MNAT1: variants seen among roughly 807,000 people sequenced by gnomAD.
The protein encoded by MNAT1 is CDK-activating kinase assembly factor MAT1.
In MNAT1, 43 loss-of-function variants were observed where a neutral mutation model predicts 42.0. The observed-to-expected ratio is 1.02, with a 90% CI of 0.80 to 1.32. The LOEUF (loss-of-function observed/expected upper bound fraction) is 1.32, where lower values mean the gene tolerates loss of function less well. Among genes scored for constraint, MNAT1 ranks in the 40% most tolerant of loss-of-function variants. The pLI is 0.00. For synonymous variants in MNAT1, 118 were observed against 120.0 expected (o/e 0.98, Z 0.11); for missense variants, 306 against 350.4 (o/e 0.87, Z 1.01).
At chr14:60,800,188 A>C (rs972469170) in intron 3 of MNAT1, among the ~76,000 whole-genome samples, 13 of 142,512 alleles carry the variant, frequency 9.1e-5, no homozygotes, top group African/African-American at 3.2e-4. Flanking sequence ...AAAGTGTGTA[A>C]GGTTGGGGAA....
In MNAT1 at chr14:60,775,091, T is replaced by G. The variant is rs140361104; in HGVS notation, c.90-21126T>G. Among the ~76,000 whole-genome samples the G allele has an allele frequency of 1.8e-4, 27 of 152,240 alleles. No homozygotes were observed. The East Asian group carries it at 4.6e-3, about 26-fold the overall frequency. The stretch of plus-strand genomic sequence containing the variant: ...TGCCCACGACATAACTCTGGAACAC[T>G]TCAACTTTTAGGTGGTTTACAGAGG... On this transcript the variant is annotated intron_variant, in intron 1 of 7. Transcript: ENST00000261245.
intron 7 of MNAT1, among the ~76,000 whole-genome samples, chr14:60,955,798 T>G (rs532677153): frequency 6.6e-6 from 1 of 152,348 alleles, no homozygotes; most frequent in Admixed American, 6.5e-5. Context: ...TTCTCCAATT[T>G]ATTGGTGTAT....
chr14:60,916,507 T>C (rs979860857), intron 7 of MNAT1, among the ~76,000 whole-genome samples: 4 of 152,030 alleles, frequency 2.6e-5, no homozygotes, highest in African/African-American at 9.7e-5. Flanking sequence ...ATGTAAAAAT[T>C]AGCCAGGGAT....
chr14:60,750,656 A>G (rs2030048869), intron 1 of MNAT1, among the ~76,000 whole-genome samples: 1 of 151,384 alleles, frequency 6.6e-6, no homozygotes. Context: ...TAAAAAAATT[A>G]CTATTTGCTA....
intron 1 of MNAT1, among the ~76,000 whole-genome samples, chr14:60,792,923 C>T (rs1217694839): frequency 6.6e-6 from 1 of 152,092 alleles, no homozygotes; most frequent in African/African-American, 2.4e-5. Context: ...ATTCCTAGCA[C>T]TCCTAGAGGC....
chr14:60,920,443 A>G (rs868026436), intron 7 of MNAT1, among the ~76,000 whole-genome samples: 31 of 151,394 alleles, frequency 2.0e-4, no homozygotes, highest in African/African-American at 7.3e-4. Context: ...TTTTTTTGGG[A>G]CAGTCTCGCT....
chr14:60,957,582 T>C (rs1204196547), intron 7 of MNAT1, among the ~76,000 whole-genome samples: 9 of 152,220 alleles, frequency 5.9e-5, no homozygotes. Flanking sequence ...GGAGCTACAA[T>C]TCAAGATGAA....
chr14:60,801,562 G>A (rs767992482), intron 3 of MNAT1, among the ~76,000 whole-genome samples: 14 of 152,122 alleles, frequency 9.2e-5, no homozygotes, highest in Non-Finnish European at 2.1e-4. Context: ...GAAGACATAC[G>A]TATGGTATAT....
At chr14:60,799,484 G>A in intron 3 of MNAT1, 2 of 836,490 alleles carry the variant, frequency 2.4e-6, no homozygotes. Context: ...ATATTCTAAA[G>A]GTAATGTGAT....
chr14:60,911,935 A>G (rs1196310838), intron 7 of MNAT1, among the ~76,000 whole-genome samples: 2 of 151,942 alleles, frequency 1.3e-5, no homozygotes, highest in Non-Finnish European at 2.9e-5. Context: ...AAAGTCTCCC[A>G]TTATTATTGT....
intron 1 of MNAT1, among the ~76,000 whole-genome samples, chr14:60,767,695 G>T (rs1291969933): frequency 6.6e-6 from 1 of 152,136 alleles, no homozygotes; most frequent in African/African-American, 2.4e-5. Context: ...CTGCCTGCTA[G>T]GTTCAAGTGA....
chr14:60,961,184 A>C (rs1435992190), intron 7 of MNAT1, among the ~76,000 whole-genome samples: 1 of 151,820 alleles, frequency 6.6e-6, no homozygotes, highest in Non-Finnish European at 1.5e-5. Flanking sequence ...CAGGTCTCGA[A>C]CTCCTGACCT....
chr14:60,913,641 G>C (rs1359198814), intron 7 of MNAT1, among the ~76,000 whole-genome samples: 1 of 152,128 alleles, frequency 6.6e-6, no homozygotes, highest in Non-Finnish European at 1.5e-5. Flanking sequence ...GCAGAACAGT[G>C]GATATTGGTG....
intron 7 of MNAT1, among the ~76,000 whole-genome samples, chr14:60,887,167 G>T (rs1026727041): frequency 1.3e-5 from 2 of 151,202 alleles, no homozygotes; most frequent in East Asian, 3.9e-4. Flanking sequence ...ACATTGATTT[G>T]CATTTTTTTT....
intron 4 of MNAT1, 140 bp downstream of exon 4, chr14:60,808,568 G>A: frequency 1.8e-6 from 1 of 567,056 alleles, no homozygotes; most frequent in Non-Finnish European, 3.1e-6. Context: ...ATGAATATAT[G>A]CTGTATAGGT....
rs371722863 is a variant in MNAT1, at chr14:60,918,758, T to TATATATATATA, written c.809+38923_809+38924insATATATATATA. ...AGAATATATATATATATATATATATTTTTGTCCTTAAAAATACATACTTGA... is the reference window on the plus strand; with the variant it reads ...AGAATATATATATATATATATATATTATATATATATATTTGTCCTTAAAAATACATACTTGA... On this transcript the variant is annotated intron_variant, in intron 7 of 7. Coordinates refer to ENST00000261245, the MANE Select transcript of MNAT1 (RefSeq NM_002431.4). Among the ~76,000 whole-genome samples the TATATATATATA allele has an allele frequency of 1.1e-3, 152 of 142,406 alleles. 1 individual carries two copies. The highest frequency in any genetic ancestry group is 2.4e-3 in the East Asian group (11 of 4,658). 93.4% of individuals were successfully genotyped at this position (142,406 alleles called of 152,430 possible).
intron 7 of MNAT1, among the ~76,000 whole-genome samples, chr14:60,886,707 T>A (rs1418046747): frequency 6.6e-6 from 1 of 152,090 alleles, no homozygotes; most frequent in Non-Finnish European, 1.5e-5. Flanking sequence ...ATAGCTGATT[T>A]TTGCATGTCT....
At chr14:60,956,721 G>A (rs993316982) in intron 7 of MNAT1, among the ~76,000 whole-genome samples, 1 of 152,032 alleles carries the variant, frequency 6.6e-6, no homozygotes, top group African/African-American at 2.4e-5. Context: ...ATATCCTCTT[G>A]ATTAATTGAT....
At chr14:60,861,451 A>G (rs1035563913) in intron 6 of MNAT1, among the ~76,000 whole-genome samples, 2 of 152,196 alleles carry the variant, frequency 1.3e-5, no homozygotes, top group African/African-American at 4.8e-5. Flanking sequence ...CATATTTGGC[A>G]CTATGTATGA....
Sources: allele counts gnomAD v4.1 joint callset (sites outside exome capture counted in the v4.1 genomes callset), GRCh38; gene constraint gnomAD v4.1.1; transcripts MANE v1.5; gene names NCBI Gene and HGNC (gene_info 2026-07-23, HGNC 2026-07-21).